The following PREX2 variants were observed in gnomAD, a reference collection of about 807,000 sequenced individuals.
PREX2 encodes the protein phosphatidylinositol-3,4,5-trisphosphate dependent Rac exchange factor 2, also known as phosphatidylinositol 3,4,5-trisphosphate-dependent Rac exchanger 2 protein.
PREX2 carries 107 observed loss-of-function variants against 203.2 expected under a neutral mutation model. The observed-to-expected ratio is 0.53, with a 90% CI of 0.45 to 0.62. The LOEUF (loss-of-function observed/expected upper bound fraction) is 0.62, where lower values mean the gene tolerates loss of function less well. Ranked by LOEUF, PREX2 falls within the 20% of genes least tolerant of loss-of-function variation. The probability of loss-of-function intolerance (pLI) is 0.00; values close to 1 mark genes in which losing one functional copy is unlikely to be tolerated. For synonymous variants in PREX2, 672 were observed against 663.6 expected, an observed-to-expected ratio of 1.01 and a Z score of -0.19; for missense variants, 1,777 against 1,955.9, an observed-to-expected ratio of 0.91 and a Z score of 1.72.
At chr8:68,017,441 T>C (rs1807439386) in intron 1 of PREX2, among the ~76,000 whole-genome samples, 1 of 152,232 alleles carries the variant, frequency 6.6e-6, no homozygotes, top group Admixed American at 6.5e-5. Flanking sequence ...TCTATTTATC[T>C]ATCTCTAATT....
In PREX2 at chr8:67,975,462, A is replaced by G. The variant is rs1806051291; in HGVS notation, c.141+22927A>G. 2.6e-5 allele frequency among the ~76,000 whole-genome samples: 4 copies of G among 151,840 alleles called. No individual in the cohort carries two copies. In the South Asian group the frequency reaches 8.3e-4, roughly 32 times the overall value. ...AATGAATGAGTGAATACATGCTTTT[A>G]AAGTGAAACAAATGTTACTATGTAT... On this transcript the variant is annotated intron_variant, in intron 1 of 39. Transcript: ENST00000288368.
chr8:68,146,253 A>C lies in PREX2; in HGVS notation c.4132A>C (p.Lys1378Gln), dbSNP rs1448746073. 2 of 1,611,982 alleles carry C rather than the reference A, an allele frequency of 1.2e-6. No individual in the cohort carries two copies. The highest frequency in any genetic ancestry group is 1.7e-6 in the Non-Finnish European group (2 of 1,178,872). Residue 1378 changes from lysine to glutamine, a missense_variant, in exon 34 of 40, where the codon AAA (lysine) becomes CAA (glutamine). Transcript: ENST00000288368. Reference sequence around the variant, plus strand: ...AGCAGAAGGAAGTCGGCAAGCTCTGAAAGTTTACTTCTACATTGATAGTTA... The same window carrying C: ...AGCAGAAGGAAGTCGGCAAGCTCTGCAAGTTTACTTCTACATTGATAGTTA... ...YQAEGSRQAL[K>Q]VYFYIDSYHF... is the part of the protein sequence containing the mutation.
intron 37 of PREX2, among the ~76,000 whole-genome samples, chr8:68,195,520 A>G (rs961357141): frequency 6.6e-6 from 1 of 152,182 alleles, no homozygotes; most frequent in East Asian, 1.9e-4. Context: ...TAGATTTTTC[A>G]TGATGATAAG....
intron 1 of PREX2, among the ~76,000 whole-genome samples, chr8:68,009,472 T>G (rs1441860816): frequency 6.6e-6 from 1 of 152,168 alleles, no homozygotes; most frequent in Non-Finnish European, 1.5e-5. Flanking sequence ...TATATAAGTA[T>G]TTGTATAATA....
At chr8:68,216,586 C>T (rs888554229) in intron 37 of PREX2, among the ~76,000 whole-genome samples, 6 of 151,912 alleles carry the variant, frequency 3.9e-5, no homozygotes, top group African/African-American at 1.2e-4. Context: ...ATTCAGAGAC[C>T]AGCACCTGAA....
chr8:68,050,062 G>GTA (rs528671209), intron 8 of PREX2, among the ~76,000 whole-genome samples: 3,974 of 151,238 alleles, frequency 0.026, 155 homozygotes, highest in African/African-American at 0.084. Flanking sequence ...ATGTATGTGT[G>GTA]TATATATATA....
At chr8:68,192,206 G>A in intron 36 of PREX2, 129 bp from the exon 37 acceptor site, 1 of 652,080 alleles carries the variant, frequency 1.5e-6, no homozygotes, top group Non-Finnish European at 2.6e-6. Flanking sequence ...ATAAATATTA[G>A]TAGTCTCTAA....
In PREX2 at chr8:68,171,390, T is replaced by A. The variant is rs377123179; in HGVS notation, c.4346+13954T>A. 5.9e-5 allele frequency among the ~76,000 whole-genome samples: 9 copies of A among 152,296 alleles called. No individual in the cohort carries two copies. In the East Asian group the frequency reaches 1.5e-3, roughly 26 times the overall value. On this transcript the variant is annotated intron_variant, in intron 35 of 39. Coordinates refer to ENST00000288368, the MANE Select transcript of PREX2 (RefSeq NM_024870.4). Reference sequence around the variant, plus strand: ...GAACCATGTATTTTGGACAATTTTTTCAACTGAGAAATGTCTGGCCAGAAG... The same window carrying A: ...GAACCATGTATTTTGGACAATTTTTACAACTGAGAAATGTCTGGCCAGAAG...
chr8:68,021,098 A>G (rs1015071339), intron 3 of PREX2, among the ~76,000 whole-genome samples: 1 of 152,198 alleles, frequency 6.6e-6, no homozygotes, highest in African/African-American at 2.4e-5. Context: ...TACAAATAGA[A>G]GGGAGCTTAG....
chr8:68,183,183 G>A (rs374814064), intron 35 of PREX2, among the ~76,000 whole-genome samples: 43 of 152,156 alleles, frequency 2.8e-4, no homozygotes, highest in African/African-American at 9.6e-4. Context: ...GCTTTACAAA[G>A]GTATTTTTAG....
intron 37 of PREX2, 63 bp from the exon 38 acceptor site, chr8:68,217,553 A>T: frequency 1.7e-6 from 2 of 1,173,138 alleles, no homozygotes; most frequent in Non-Finnish European, 2.5e-6. Context: ...TTAGTAATCC[A>T]CATCATCTCA....
intron 5 of PREX2, 49 bp from the exon 6 acceptor site, chr8:68,030,448 C>G (rs777864377): frequency 1.3e-6 from 2 of 1,588,962 alleles, no homozygotes; most frequent in Non-Finnish European, 1.7e-6. Flanking sequence ...ACCTGCTGTA[C>G]CAGAAAGCTG....
At chr8:67,956,612 A>G (rs1004027497) in intron 1 of PREX2, among the ~76,000 whole-genome samples, 8 of 152,204 alleles carry the variant, frequency 5.3e-5, no homozygotes, top group Non-Finnish European at 1.0e-4. Flanking sequence ...CTGGGCCTGG[A>G]AAATTGTGTA....
intron 34 of PREX2, among the ~76,000 whole-genome samples, chr8:68,156,845 C>T (rs967350404): frequency 3.9e-5 from 6 of 152,160 alleles, no homozygotes; most frequent in African/African-American, 1.4e-4. Flanking sequence ...GAGGGGGAGA[C>T]ACTGTTACAA....
At chr8:67,980,401 G>T (rs1055640309) in intron 1 of PREX2, among the ~76,000 whole-genome samples, 1 of 152,120 alleles carries the variant, frequency 6.6e-6, no homozygotes, top group African/African-American at 2.4e-5. Flanking sequence ...GCAGCACAAA[G>T]AATAGGATTG....
chr8:68,212,763 T>G (rs1812763774), intron 37 of PREX2, among the ~76,000 whole-genome samples: 1 of 152,192 alleles, frequency 6.6e-6, no homozygotes, highest in Admixed American at 6.5e-5. Flanking sequence ...ATGATCAAAT[T>G]TAAATTATTA....
At chr8:67,978,419 A>G (rs1225149972) in intron 1 of PREX2, among the ~76,000 whole-genome samples, 3 of 152,196 alleles carry the variant, frequency 2.0e-5, no homozygotes, top group Non-Finnish European at 4.4e-5. Context: ...TTCCAGCACC[A>G]TAGATTGTTT....
intron 25 of PREX2, among the ~76,000 whole-genome samples, chr8:68,114,901 T>C (rs1810610693): frequency 6.6e-6 from 1 of 152,152 alleles, no homozygotes; most frequent in Admixed American, 6.5e-5. Context: ...GGGTTTTTAA[T>C]ACTGAATATG....
intron 1 of PREX2, among the ~76,000 whole-genome samples, chr8:67,994,022 G>C (rs1806688763): frequency 6.6e-6 from 1 of 152,154 alleles, no homozygotes; most frequent in African/African-American, 2.4e-5. Flanking sequence ...ACTATAGGAA[G>C]ATAAATAGCT....
Sources: gnomAD v4.1 joint callset for allele counts (sites outside exome capture counted in the v4.1 genomes callset) on GRCh38, gnomAD v4.1.1 for gene constraint, MANE v1.5 for transcripts, NCBI Gene and HGNC (gene_info 2026-07-23, HGNC 2026-07-21) for gene names.